The following RELN variants were observed in gnomAD, a reference collection of about 807,000 sequenced individuals.
The protein encoded by RELN is reelin.
In RELN, 108 loss-of-function variants were observed where a neutral mutation model predicts 427.6. The ratio of observed to expected loss-of-function variants is 0.25; its 90% CI spans 0.22 to 0.30. The LOEUF is 0.30. RELN is among the 10% of genes least tolerant of loss of function. The probability of loss-of-function intolerance (pLI) is 1.00; values close to 1 mark genes in which losing one functional copy is unlikely to be tolerated. For missense variants in RELN, 3,715 were observed against 4,302.8 expected (o/e 0.86, Z 3.82); for synonymous variants, 1,524 against 1,513.4 (o/e 1.01, Z -0.16).
chr7:103,889,179 C>A (rs986614536), intron 2 of RELN, among the ~76,000 whole-genome samples: 1 of 152,186 alleles, frequency 6.6e-6, no homozygotes, highest in Non-Finnish European at 1.5e-5. Context: ...CCTAAGATCC[C>A]AGACTGCTTT....
chr7:103,772,133 A>T (rs887620069), intron 4 of RELN, among the ~76,000 whole-genome samples: 1 of 152,124 alleles, frequency 6.6e-6, no homozygotes, highest in East Asian at 1.9e-4. Flanking sequence ...TTGTAGTTTA[A>T]TTGTTTGCTT....
chr7:103,561,417 T>C (rs1313619650), intron 36 of RELN, 115 bp downstream of exon 36: 11 of 889,946 alleles, frequency 1.2e-5, no homozygotes, highest in Non-Finnish European at 2.1e-5. Flanking sequence ...TCAATAACTA[T>C]GTATTAAATA....
At chr7:103,672,791 T>G (rs1408370630) in intron 11 of RELN, among the ~76,000 whole-genome samples, 1 of 152,180 alleles carries the variant, frequency 6.6e-6, no homozygotes, top group Non-Finnish European at 1.5e-5. Context: ...CCATATCATA[T>G]TACTGATAGT....
intron 1 of RELN, among the ~76,000 whole-genome samples, chr7:103,932,520 G>T (rs1170561294): frequency 6.6e-6 from 1 of 152,144 alleles, no homozygotes; most frequent in Non-Finnish European, 1.5e-5. Context: ...AAATCTGCAC[G>T]TGTACCCCTG....
At chr7:103,908,211 G>C (rs1053234923) in intron 2 of RELN, among the ~76,000 whole-genome samples, 3 of 152,116 alleles carry the variant, frequency 2.0e-5, no homozygotes, top group Non-Finnish European at 4.4e-5. Context: ...TAAGAAACTT[G>C]AGTGCAGCTC....
In RELN at chr7:103,745,033, C is replaced by T. The variant is rs192360854; in HGVS notation, c.656+4393G>A. Among the ~76,000 whole-genome samples the T allele has an allele frequency of 9.5e-4, 144 of 152,266 alleles. No homozygotes were observed. In the Middle Eastern group the frequency reaches 0.017, roughly 18 times the overall value. ...AATCCTCAGTAAAATACTGGGAAAC[C>T]GAATCCAGCAGCACATCGAAAAGCT... On this transcript the variant is annotated intron_variant, in intron 6 of 64. Coordinates refer to ENST00000428762, the MANE Select transcript of RELN (RefSeq NM_005045.4).
intron 3 of RELN, among the ~76,000 whole-genome samples, chr7:103,809,897 G>A (rs1402498420): frequency 6.6e-6 from 1 of 152,128 alleles, no homozygotes. Context: ...ACACATAACA[G>A]GGGAAGTGTG....
rs1793073193 is a variant in RELN at position 103,824,102 on chromosome 7, G to A, written c.473+9435C>T. ...CGTTGATATACTGAAGGCTTATCAC[G>A]ACCTTTATCAGTACTAATTTATTTT... On this transcript the variant is annotated intron_variant, in intron 3 of 64. Coordinates refer to ENST00000428762, the MANE Select transcript of RELN (RefSeq NM_005045.4). This position sits in a 1 kb window ranked among gnomAD's most constrained non-coding sequence, Gnocchi z 4.4. Among the ~76,000 whole-genome samples the A allele has an allele frequency of 6.6e-6, 1 of 152,056 alleles. No individual in the cohort carries two copies. The highest frequency in any genetic ancestry group is 2.1e-4 in the South Asian group (1 of 4,820).
chr7:103,935,048 A>G (rs939602033), intron 1 of RELN, among the ~76,000 whole-genome samples: 9 of 152,212 alleles, frequency 5.9e-5, no homozygotes, highest in African/African-American at 2.2e-4. Flanking sequence ...TCTTTAGCAC[A>G]AGACCTGGAA....
chr7:103,592,366 T>C (rs1831436909), intron 27 of RELN, among the ~76,000 whole-genome samples: 1 of 152,202 alleles, frequency 6.6e-6, no homozygotes, highest in African/African-American at 2.4e-5. Context: ...AAAGTCATGA[T>C]GTCATCCTTT....
rs534583172 is a variant in RELN, at chr7:103,800,339, A to G, written c.474-23712T>C. On this transcript the variant is annotated intron_variant, in intron 3 of 64. Coordinates refer to ENST00000428762, the MANE Select transcript of RELN (RefSeq NM_005045.4). ...AAAATCAAAGCATTCTTATACACCA[A>G]TAACAGACAAACAGAGAGCCAAATC... is the stretch of plus-strand genomic sequence containing the variant. Among the ~76,000 whole-genome samples, 181 of 152,332 alleles carry G rather than the reference A, an allele frequency of 1.2e-3. 3 individuals are homozygous for G. Among genetic ancestry groups the G allele is most frequent in the African/African-American group, 4.2e-3 (173 of 41,572 alleles).
chr7:103,719,082 T>G (rs1790011311), intron 8 of RELN, among the ~76,000 whole-genome samples: 1 of 152,188 alleles, frequency 6.6e-6, no homozygotes, highest in Non-Finnish European at 1.5e-5. Flanking sequence ...ACAACATTAT[T>G]TTACTTTTAA....
chr7:103,569,906 C>T lies in RELN; in HGVS notation c.4588+2278G>A, dbSNP rs368010136. Among the ~76,000 whole-genome samples, 15 of 152,266 alleles carry T rather than the reference C, an allele frequency of 9.9e-5. No homozygotes were observed. Among genetic ancestry groups the T allele is most frequent in the African/African-American group, 2.9e-4 (12 of 41,544 alleles). On this transcript the variant is annotated intron_variant, in intron 31 of 64. Coordinates refer to ENST00000428762, the MANE Select transcript of RELN (RefSeq NM_005045.4). The surrounding 1 kb of genome is among the most constrained non-coding windows in gnomAD (Gnocchi z 4.0). ...TCTTTTTAAACAGCAGCTCCATCTGCGTTATGCCCAGTCTTACTGAAAATA... is the reference window on the plus strand; with the variant it reads ...TCTTTTTAAACAGCAGCTCCATCTGTGTTATGCCCAGTCTTACTGAAAATA...
rs145392885 is a variant in RELN, at chr7:103,925,727, G to A, written c.227-8542C>T. ...AGCCTTAAAAGAAATCATTTTGGGA[G>A]ATTTATTACTCTGAATTGCTGCAAG... On this transcript the variant is annotated intron_variant, in intron 1 of 64. Coordinates refer to ENST00000428762, the MANE Select transcript of RELN (RefSeq NM_005045.4). Among the ~76,000 whole-genome samples, 453 of 152,242 alleles carry A rather than the reference G, an allele frequency of 3.0e-3. 4 individuals carry two copies. The highest frequency in any genetic ancestry group is 0.01 in the African/African-American group (432 of 41,540).
At chr7:103,476,084 A>G (rs1015578300) in intron 64 of RELN, among the ~76,000 whole-genome samples, 1 of 152,068 alleles carries the variant, frequency 6.6e-6, no homozygotes, top group East Asian at 1.9e-4. Flanking sequence ...AAGTTTATGT[A>G]TCAGTATCAT....
At position 103,698,500 on chromosome 7, in the gene RELN, T is replaced by C. The variant is rs117751125; in HGVS notation, c.903-407A>G. 8.0e-4 allele frequency among the ~76,000 whole-genome samples: 122 copies of C among 152,210 alleles called. No homozygotes were observed. The South Asian group carries it at 0.013, about 16-fold the overall frequency. ...AAAACAGGTTACCCAATAATAAGGATAAAAAATATAAAAGTGTGATTTTGT... is the reference window on the plus strand; with the variant it reads ...AAAACAGGTTACCCAATAATAAGGACAAAAAATATAAAAGTGTGATTTTGT... On this transcript the variant is annotated intron_variant, in intron 9 of 64. Transcript: ENST00000428762.
At chr7:103,895,495 G>C (rs950229397) in intron 2 of RELN, among the ~76,000 whole-genome samples, 3 of 152,066 alleles carry the variant, frequency 2.0e-5, no homozygotes, top group African/African-American at 7.2e-5. Context: ...GTATAATCCA[G>C]GGGTCTGAAG....
At chr7:103,741,585 G>C (rs1790657872) in intron 6 of RELN, among the ~76,000 whole-genome samples, 1 of 151,750 alleles carries the variant, frequency 6.6e-6, no homozygotes, top group Non-Finnish European at 1.5e-5. Context: ...GAAAAGGAGG[G>C]TGAGGGGAAG....
At chr7:103,579,675 G>C (rs188065440) in intron 28 of RELN, among the ~76,000 whole-genome samples, 1 of 149,600 alleles carries the variant, frequency 6.7e-6, no homozygotes, top group Non-Finnish European at 1.5e-5. Context: ...TTGTTGTTTT[G>C]CGTGTCCCAG....
Sources: gnomAD v4.1 joint callset for allele counts (sites outside exome capture counted in the v4.1 genomes callset) on GRCh38, gnomAD v4.1.1 for gene constraint, Gnocchi (gnomAD v3.1) non-coding constraint, MANE v1.5 for transcripts, NCBI Gene and HGNC (gene_info 2026-07-23, HGNC 2026-07-21) for gene names.